Variants in RBKS observed in about 807,000 individuals in gnomAD.
RBKS encodes the protein ribokinase.
Under a neutral mutation model 33.9 loss-of-function variants are expected in RBKS, and 33 were observed. The observed-to-expected ratio is 0.97, with a 90% CI of 0.74 to 1.30. The LOEUF (loss-of-function observed/expected upper bound fraction) is 1.30. Among genes scored for constraint, RBKS ranks in the 50% most tolerant of loss-of-function variants. The probability of loss-of-function intolerance (pLI) is 0.00; values close to 1 mark genes in which losing one functional copy is unlikely to be tolerated. For synonymous variants in RBKS, 125 were observed against 143.0 expected, an observed-to-expected ratio of 0.87 and a Z score of 0.90; for missense variants, 361 against 392.6, an observed-to-expected ratio of 0.92 and a Z score of 0.68.
intron 7 of RBKS, among the ~76,000 whole-genome samples, chr2:27,826,584 T>C (rs1338683908): frequency 6.6e-6 from 1 of 152,044 alleles, no homozygotes; most frequent in African/African-American, 2.4e-5. Flanking sequence ...AAGTTTTGTA[T>C]CTTTAGTAGA....
At chr2:27,848,789 C>T (rs542939140) in intron 2 of RBKS, among the ~76,000 whole-genome samples, 6 of 148,780 alleles carry the variant, frequency 4.0e-5, no homozygotes, top group South Asian at 4.3e-4. Context: ...TGCAGTGAGC[C>T]GAGGTCACAC....
intron 2 of RBKS, among the ~76,000 whole-genome samples, chr2:27,853,938 A>C (rs528829326): frequency 6.6e-6 from 1 of 152,340 alleles, no homozygotes; most frequent in South Asian, 2.1e-4. Context: ...TATTACCTGG[A>C]AAGACCTGGT....
chr2:27,836,555 C>G (rs1476268235), intron 5 of RBKS, among the ~76,000 whole-genome samples: 1 of 152,118 alleles, frequency 6.6e-6, no homozygotes, highest in Non-Finnish European at 1.5e-5. Flanking sequence ...TAGAAGAAAG[C>G]TTAGAAAATA....
chr2:27,876,943 C>G (rs1297099296), intron 1 of RBKS, among the ~76,000 whole-genome samples: 2 of 152,160 alleles, frequency 1.3e-5, no homozygotes, highest in Non-Finnish European at 1.5e-5. Context: ...CTTACTAGCA[C>G]TTTTGAACAC....
At chr2:27,869,268 C>T (rs1446811640) in intron 1 of RBKS, among the ~76,000 whole-genome samples, 1 of 152,126 alleles carries the variant, frequency 6.6e-6, no homozygotes, top group Non-Finnish European at 1.5e-5. Context: ...TCAAGCTGAA[C>T]CAAGATGCTG....
chr2:27,812,502 A>G (rs1187076998), intron 7 of RBKS, among the ~76,000 whole-genome samples: 1 of 152,244 alleles, frequency 6.6e-6, no homozygotes, highest in African/African-American at 2.4e-5. Context: ...AATGTGGCAC[A>G]TATATACCAT....
At chr2:27,855,238 T>C (rs2148217698) in intron 2 of RBKS, among the ~76,000 whole-genome samples, 1 of 152,354 alleles carries the variant, frequency 6.6e-6, no homozygotes, top group East Asian at 1.9e-4. Context: ...ATTAGAGAGT[T>C]TGATAGTCTC....
At chr2:27,838,381 C>T (rs72810527) in intron 5 of RBKS, among the ~76,000 whole-genome samples, 208 of 152,076 alleles carry the variant, frequency 1.4e-3, no homozygotes, top group Non-Finnish European at 2.0e-3. Flanking sequence ...TGAAATTTTC[C>T]ACAATAAAAG....
At chr2:27,819,644 A>G (rs1256018028) in intron 7 of RBKS, among the ~76,000 whole-genome samples, 2 of 152,246 alleles carry the variant, frequency 1.3e-5, no homozygotes, top group Non-Finnish European at 2.9e-5. Flanking sequence ...GCCAGAGTTA[A>G]TATCACTCAA....
chr2:27,783,645 CGCCTGTAATCCCA>C (rs1677331339), intron 7 of RBKS, among the ~76,000 whole-genome samples: 1 of 152,144 alleles, frequency 6.6e-6, no homozygotes, highest in Non-Finnish European at 1.5e-5. Context: ...CAGTGGCTCA[CGCCTGTAATCCCA>C]GCACTTCGGG....
chr2:27,885,369 T>C (rs1664508060), intron 1 of RBKS, among the ~76,000 whole-genome samples: 1 of 152,210 alleles, frequency 6.6e-6, no homozygotes, highest in Non-Finnish European at 1.5e-5. Flanking sequence ...GATCCTATTA[T>C]AATCAAAATA....
At chr2:27,820,524 T>C (rs74994332) in intron 7 of RBKS, among the ~76,000 whole-genome samples, 2,821 of 151,834 alleles carry the variant, frequency 0.019, 34 homozygotes, top group Non-Finnish European at 0.03. Context: ...TTTTGTAGGA[T>C]AGACTCTTAG....
chr2:27,884,368 C>T (rs1388557552), intron 1 of RBKS, among the ~76,000 whole-genome samples: 4 of 148,896 alleles, frequency 2.7e-5, no homozygotes, highest in Non-Finnish European at 4.4e-5. Flanking sequence ...CCACCTCAGC[C>T]CCCCAGTAGC....
intron 7 of RBKS, among the ~76,000 whole-genome samples, chr2:27,807,497 C>G (rs1677917279): frequency 6.6e-6 from 1 of 152,164 alleles, no homozygotes; most frequent in Admixed American, 6.5e-5. Context: ...CCTCCCAACT[C>G]AGCCTCCTGA....
intron 1 of RBKS, among the ~76,000 whole-genome samples, chr2:27,869,421 G>C (rs1399689716): frequency 6.6e-5 from 10 of 152,162 alleles, no homozygotes; most frequent in Admixed American, 5.9e-4. Flanking sequence ...TAGCAGAAGA[G>C]AGCATACAAT....
At chr2:27,783,626 G>A (rs1168601039) in intron 7 of RBKS, among the ~76,000 whole-genome samples, 1 of 152,074 alleles carries the variant, frequency 6.6e-6, no homozygotes. Flanking sequence ...ACCATTCTTA[G>A]GCCGGGCGCA....
intron 7 of RBKS, chr2:27,782,644 T>G (rs748380357): frequency 2.1e-6 from 1 of 465,642 alleles, no homozygotes; most frequent in Non-Finnish European, 4.5e-6. Flanking sequence ...AGGGCACATA[T>G]GATCAACATG....
At chr2:27,854,317 G>A (rs1273274640) in intron 2 of RBKS, among the ~76,000 whole-genome samples, 1 of 152,182 alleles carries the variant, frequency 6.6e-6, no homozygotes, top group Non-Finnish European at 1.5e-5. Flanking sequence ...CAATCTGCAT[G>A]CAGCCTGGCA....
intron 7 of RBKS, among the ~76,000 whole-genome samples, chr2:27,809,435 T>C (rs959157892): frequency 1.3e-5 from 2 of 152,316 alleles, no homozygotes; most frequent in Non-Finnish European, 2.9e-5. Context: ...AGAAGTGGAA[T>C]CCTGAGAGCG....
Sources: allele counts gnomAD v4.1 joint callset (sites outside exome capture counted in the v4.1 genomes callset), GRCh38; gene constraint gnomAD v4.1.1; transcripts MANE v1.5; gene names NCBI Gene and HGNC (gene_info 2026-07-23, HGNC 2026-07-21).